Variants in DLGAP2 observed in about 807,000 individuals in gnomAD.
The protein encoded by DLGAP2 is DLG associated protein 2.
A neutral mutation model predicts 100.3 loss-of-function variants in DLGAP2; 26 were observed. The observed-to-expected ratio is 0.26, with a 90% CI of 0.19 to 0.36. DLGAP2 has a LOEUF of 0.36. Ranked by LOEUF, DLGAP2 falls within the 10% of genes least tolerant of loss-of-function variation. DLGAP2 has a pLI of 1.00. For missense variants in DLGAP2, 1,858 were observed against 1,453.2 expected (o/e 1.28, Z -4.53); for synonymous variants, 886 against 630.1 (o/e 1.41, Z -6.08).
chr8:779,148 C>A (rs1330824529), intron 1 of DLGAP2, among the ~76,000 whole-genome samples: 1 of 152,370 alleles, frequency 6.6e-6, no homozygotes, highest in East Asian at 1.9e-4. Flanking sequence ...AAAGGGAACT[C>A]CCTGACGCCT....
At chr8:779,407 G>C (rs1357981869) in intron 1 of DLGAP2, among the ~76,000 whole-genome samples, 2 of 151,816 alleles carry the variant, frequency 1.3e-5, no homozygotes, top group Non-Finnish European at 2.9e-5. Context: ...TACACTGGGG[G>C]CTCAACACAG....
intron 3 of DLGAP2, among the ~76,000 whole-genome samples, chr8:1,455,032 G>A (rs1461954049): frequency 1.3e-5 from 2 of 152,198 alleles, no homozygotes; most frequent in Non-Finnish European, 2.9e-5. Context: ...TTGGGGGTCT[G>A]GGGAGGGGGG....
intron 1 of DLGAP2, among the ~76,000 whole-genome samples, chr8:853,102 G>C (rs1797211700): frequency 6.6e-6 from 1 of 152,208 alleles, no homozygotes; most frequent in Admixed American, 6.5e-5. Context: ...GTCTAACATT[G>C]CACTTAGGTG....
chr8:748,409 C>T (rs999161864), intron 1 of DLGAP2, among the ~76,000 whole-genome samples: 3 of 152,040 alleles, frequency 2.0e-5, no homozygotes, highest in Non-Finnish European at 2.9e-5. Context: ...GCATGCTCCA[C>T]GTAGCCACAG....
chr8:936,367 T>C (rs1032341711), intron 2 of DLGAP2, among the ~76,000 whole-genome samples: 1 of 152,122 alleles, frequency 6.6e-6, no homozygotes, highest in Non-Finnish European at 1.5e-5. Flanking sequence ...TCGGGAAGGA[T>C]GTTTGCTGTT....
chr8:1,252,519 CGGT>C (rs1387324486), intron 2 of DLGAP2, among the ~76,000 whole-genome samples: 17 of 152,180 alleles, frequency 1.1e-4, no homozygotes, highest in Non-Finnish European at 2.4e-4. Context: ...CCATGTTACA[CGGT>C]GGTGTTGTCA....
At chr8:1,102,388 C>T (rs1196876950) in intron 2 of DLGAP2, among the ~76,000 whole-genome samples, 2 of 147,982 alleles carry the variant, frequency 1.4e-5, no homozygotes, top group African/African-American at 2.5e-5. Context: ...TTTATAGATA[C>T]ATAAAACATT....
At chr8:1,371,731 A>G (rs1045393226) in intron 3 of DLGAP2, among the ~76,000 whole-genome samples, 2 of 152,124 alleles carry the variant, frequency 1.3e-5, no homozygotes, top group African/African-American at 4.8e-5. Context: ...CAGGGCTTTT[A>G]GCTCACATGT....
intron 4 of DLGAP2, among the ~76,000 whole-genome samples, chr8:1,540,662 C>T (rs1015879842): frequency 2.0e-5 from 3 of 152,210 alleles, no homozygotes; most frequent in Non-Finnish European, 4.4e-5. Flanking sequence ...GGGAGCTGGA[C>T]GCATGCTGGT....
At chr8:782,505 A>T (rs991766152) in intron 1 of DLGAP2, among the ~76,000 whole-genome samples, 1 of 152,220 alleles carries the variant, frequency 6.6e-6, no homozygotes, top group Admixed American at 6.5e-5. Flanking sequence ...ATCCTCAATT[A>T]TTTGCCAATC....
chr8:898,708 G>A (rs923690262), intron 1 of DLGAP2, among the ~76,000 whole-genome samples: 5 of 152,136 alleles, frequency 3.3e-5, no homozygotes, highest in Non-Finnish European at 5.9e-5. Context: ...CTCTAAGAAG[G>A]CCCTCCATCT....
At chr8:1,195,321 C>T (rs1055303905) in intron 2 of DLGAP2, among the ~76,000 whole-genome samples, 2 of 152,234 alleles carry the variant, frequency 1.3e-5, no homozygotes, top group Admixed American at 6.5e-5. Context: ...AGCCTGAAGT[C>T]AGGGCTGTCT....
At chr8:1,546,913 G>C (rs192368084) in intron 4 of DLGAP2, among the ~76,000 whole-genome samples, 166 of 152,256 alleles carry the variant, frequency 1.1e-3, no homozygotes, top group African/African-American at 3.8e-3. Context: ...ACAAACGTGT[G>C]GGGGGATAGT....
chr8:935,151 C>G (rs1799041337), intron 2 of DLGAP2, among the ~76,000 whole-genome samples: 1 of 152,222 alleles, frequency 6.6e-6, no homozygotes, highest in Non-Finnish European at 1.5e-5. Context: ...GAGGCGGCTG[C>G]CCCTCGGGAG....
At chr8:971,027 C>A (rs1800001544) in intron 2 of DLGAP2, among the ~76,000 whole-genome samples, 2 of 152,160 alleles carry the variant, frequency 1.3e-5, no homozygotes, top group Admixed American at 1.3e-4. Context: ...TGTGGCTCTC[C>A]TGTTCAGATC....
At chr8:755,430 C>G (rs1048296443) in intron 1 of DLGAP2, among the ~76,000 whole-genome samples, 5 of 152,154 alleles carry the variant, frequency 3.3e-5, no homozygotes, top group Non-Finnish European at 7.4e-5. Context: ...GCACTCCAGC[C>G]TGGGCGACAG....
chr8:1,044,126 C>T (rs918182607), intron 2 of DLGAP2, among the ~76,000 whole-genome samples: 47 of 152,144 alleles, frequency 3.1e-4, no homozygotes, highest in African/African-American at 9.4e-4. Context: ...GAGATACTAC[C>T]ACAGTCCTCC....
intron 2 of DLGAP2, among the ~76,000 whole-genome samples, chr8:1,167,286 G>A (rs1407240347): frequency 6.6e-6 from 1 of 152,170 alleles, no homozygotes; most frequent in African/African-American, 2.4e-5. Context: ...CTCAACCACA[G>A]CAACTTCAAG....
intron 2 of DLGAP2, among the ~76,000 whole-genome samples, chr8:1,149,247 G>A (rs1029136391): frequency 1.3e-5 from 2 of 152,056 alleles, no homozygotes; most frequent in South Asian, 2.1e-4. Flanking sequence ...CTGGGTTCAC[G>A]CCATTCTCCC....
Sources: allele counts gnomAD v4.1 joint callset (sites outside exome capture counted in the v4.1 genomes callset), GRCh38; gene constraint gnomAD v4.1.1; transcripts MANE v1.5; gene names NCBI Gene and HGNC (gene_info 2026-07-23, HGNC 2026-07-21).